Variants in PLXNA4 observed in about 807,000 individuals in gnomAD.
PLXNA4 encodes the protein plexin A4, also known as plexin-A4.
A neutral mutation model predicts 191.8 loss-of-function variants in PLXNA4; 44 were observed. The observed-to-expected ratio is 0.23, with a 90% CI of 0.18 to 0.29. The LOEUF is 0.29. Among genes scored for constraint, PLXNA4 ranks in the 10% least tolerant of loss-of-function variants. The pLI is 1.00. For missense variants in PLXNA4, 1,800 were observed against 2,488.8 expected (o/e 0.72, Z 5.89); for synonymous variants, 1,082 against 1,009.5 (o/e 1.07, Z -1.36).
chr7:132,525,396 C>T (rs1177394564), intron 1 of PLXNA4, among the ~76,000 whole-genome samples: 1 of 151,970 alleles, frequency 6.6e-6, no homozygotes, highest in African/African-American at 2.4e-5. Context: ...ACAGCATGCA[C>T]AGGCTGCTAC....
intron 2 of PLXNA4, among the ~76,000 whole-genome samples, chr7:132,631,238 T>G (rs1206621306): frequency 6.6e-6 from 1 of 152,232 alleles, no homozygotes; most frequent in Non-Finnish European, 1.5e-5. Context: ...TCTTCAATCT[T>G]CAAGTCAAAT....
In PLXNA4 at chr7:132,333,777, G is replaced by T. The variant is rs567725856; in HGVS notation, c.1372-35555C>A. The stretch of plus-strand genomic sequence containing the variant: ...CCGGGCCCCACTTCCCAAGGGTCCT[G>T]TGGGGATAAGACACTTCCAAAGCTT... On this transcript the variant is annotated intron_variant, in intron 3 of 31. Transcript: ENST00000321063. Among the ~76,000 whole-genome samples the T allele has an allele frequency of 3.9e-4, 60 of 152,288 alleles. 1 individual carries two copies. The Middle Eastern group carries it at 0.01, about 26-fold the overall frequency.
intron 3 of PLXNA4, among the ~76,000 whole-genome samples, chr7:132,346,469 C>G (rs1439801662): frequency 2.0e-5 from 3 of 152,220 alleles, no homozygotes; most frequent in Non-Finnish European, 4.4e-5. Context: ...TTACACTCTT[C>G]TCTCTATAAA....
intron 2 of PLXNA4, among the ~76,000 whole-genome samples, chr7:132,494,762 C>A (rs1797941321): frequency 6.6e-6 from 1 of 152,206 alleles, no homozygotes; most frequent in African/African-American, 2.4e-5. Context: ...ATTGCTCCCA[C>A]TCTGCAGAGA....
At chr7:132,421,527 G>A (rs905590225) in intron 3 of PLXNA4, among the ~76,000 whole-genome samples, 9 of 151,724 alleles carry the variant, frequency 5.9e-5, no homozygotes, top group East Asian at 1.9e-4. Flanking sequence ...TTTATTTATG[G>A]CTGACATCCC....
At chr7:132,641,995 A>AAAAT (rs955978673) in intron 2 of PLXNA4, among the ~76,000 whole-genome samples, 3 of 152,202 alleles carry the variant, frequency 2.0e-5, no homozygotes, top group African/African-American at 7.2e-5. Context: ...GAAATATGGT[A>AAAAT]AAATAAATAA....
In PLXNA4 at chr7:132,125,035, G is replaced by GT. The variant is rs993024606; in HGVS notation, c.*5443dup. On this transcript the variant is annotated 3_prime_UTR_variant, in exon 32 of 32. Transcript: ENST00000321063. ...TTTTATGGGGGAGCAAAAATTTGTA[G>GT]TAAAAAAAAAAAAACTCTCTCTTGC... The GT allele has an allele frequency of 6.7e-6, 1 of 149,484 alleles. No individual in the cohort carries two copies. The highest frequency in any genetic ancestry group is 1.5e-5 in the Non-Finnish European group (1 of 67,384). The allele number at this position is 149,484 out of a possible 1,614,324, so 9.3% of individuals were successfully genotyped here.
At chr7:132,183,299 C>T (rs1467838489) in intron 16 of PLXNA4, among the ~76,000 whole-genome samples, 2 of 152,198 alleles carry the variant, frequency 1.3e-5, no homozygotes, top group Non-Finnish European at 2.9e-5. Context: ...TGGAGATGAC[C>T]TTCTGGTGTC....
intron 22 of PLXNA4, among the ~76,000 whole-genome samples, chr7:132,166,367 T>TTTTTTTTTTTTTTTTTTTGAG (rs1796122855): frequency 1.2e-4 from 16 of 133,000 alleles, no homozygotes; most frequent in Non-Finnish European, 2.1e-4. Flanking sequence ...TCTACTCTTT[T>TTTTTTTTTTTTTTTTTTTGAG]ACTTTGGAAG....
At chr7:132,455,793 G>T (rs1796292749) in intron 3 of PLXNA4, among the ~76,000 whole-genome samples, 2 of 152,294 alleles carry the variant, frequency 1.3e-5, no homozygotes, top group South Asian at 4.1e-4. Context: ...GCCAGTCTGA[G>T]GGTGTGGGTG....
intron 2 of PLXNA4, among the ~76,000 whole-genome samples, chr7:132,629,302 C>G (rs1018490330): frequency 6.6e-6 from 1 of 152,176 alleles, no homozygotes; most frequent in South Asian, 2.1e-4. Context: ...TAGAGACTCT[C>G]TTGTACGACT....
At chr7:132,568,573 C>T (rs547893382) in intron 1 of PLXNA4, among the ~76,000 whole-genome samples, 1 of 152,274 alleles carries the variant, frequency 6.6e-6, no homozygotes, top group African/African-American at 2.4e-5. Context: ...CCTGACATCA[C>T]GCCACCCCAC....
chr7:132,619,963 G>A (rs900715465), intron 2 of PLXNA4, among the ~76,000 whole-genome samples: 1 of 152,166 alleles, frequency 6.6e-6, no homozygotes, highest in African/African-American at 2.4e-5. Context: ...ACCATGCCCA[G>A]CTAATGCTTT....
chr7:132,324,088 C>A lies in PLXNA4; in HGVS notation c.1372-25866G>T, dbSNP rs1465492008. ...CCTATTTACAAAAATTAGGCTCTAT[C>A]TAAAAACTTAGCAGAGAACTGCAGA... On this transcript the variant is annotated intron_variant, in intron 3 of 31. Coordinates refer to ENST00000321063, the MANE Select transcript of PLXNA4 (RefSeq NM_020911.2). 2.2e-4 allele frequency among the ~76,000 whole-genome samples: 34 copies of A among 152,112 alleles called. 1 individual carries two copies. The highest frequency in any genetic ancestry group is 1.5e-5 in the Non-Finnish European group (1 of 68,024).
chr7:132,449,814 T>G (rs2117294275), intron 3 of PLXNA4, among the ~76,000 whole-genome samples: 1 of 152,302 alleles, frequency 6.6e-6, no homozygotes. Flanking sequence ...CCAGACTACT[T>G]CCACCCTAAT....
intron 1 of PLXNA4, among the ~76,000 whole-genome samples, chr7:132,563,135 CCTTCTCCTCTTCCTCCTT>C: frequency 1.0e-5 from 1 of 98,278 alleles, no homozygotes; most frequent in Non-Finnish European, 2.1e-5. Context: ...TCCTCCTCCT[CCTTCTCCTCTTCCTCCTT>C]CTCCTCCTCC....
At chr7:132,322,660 G>A (rs1209426056) in intron 3 of PLXNA4, among the ~76,000 whole-genome samples, 2 of 152,180 alleles carry the variant, frequency 1.3e-5, no homozygotes, top group Admixed American at 1.3e-4. Flanking sequence ...GGCCACATAG[G>A]TGAGTTGCTC....
chr7:132,161,284 G>A (rs939207890), intron 24 of PLXNA4, among the ~76,000 whole-genome samples: 3 of 152,220 alleles, frequency 2.0e-5, no homozygotes, highest in Non-Finnish European at 2.9e-5. Flanking sequence ...GGAATTCAGC[G>A]TGGCCTCATG....
At chr7:132,313,091 G>C (rs561538652) in intron 3 of PLXNA4, among the ~76,000 whole-genome samples, 1 of 152,142 alleles carries the variant, frequency 6.6e-6, no homozygotes, top group African/African-American at 2.4e-5. Flanking sequence ...GATGCACATG[G>C]GGGTGGTCCT....
Sources: allele counts gnomAD v4.1 joint callset (sites outside exome capture counted in the v4.1 genomes callset), GRCh38; gene constraint gnomAD v4.1.1; transcripts MANE v1.5; gene names NCBI Gene and HGNC (gene_info 2026-07-23, HGNC 2026-07-21).